MARCHF1: variants seen among roughly 807,000 people sequenced by gnomAD.
MARCHF1 encodes E3 ubiquitin-protein ligase MARCHF1.
Under a neutral mutation model 54.2 loss-of-function variants are expected in MARCHF1, and 40 were observed. The observed-to-expected ratio is 0.74, with a 90% CI of 0.57 to 0.96. MARCHF1 has a LOEUF of 0.96. Among genes scored for constraint, MARCHF1 ranks in the 40% least tolerant of loss-of-function variants. The pLI is 0.00. For missense variants in MARCHF1, 586 were observed against 656.5 expected (o/e 0.89, Z 1.17); for synonymous variants, 236 against 236.3 (o/e 1.00, Z 0.01).
intron 3 of MARCHF1, among the ~76,000 whole-genome samples, chr4:163,983,523 A>G (rs1229561905): frequency 1.3e-5 from 2 of 152,170 alleles, no homozygotes; most frequent in African/African-American, 2.4e-5. Context: ...ACAAAAAGAA[A>G]ACAAAACTCC....
chr4:163,534,482 G>A (rs566037442), intron 9 of MARCHF1, among the ~76,000 whole-genome samples: 68 of 151,970 alleles, frequency 4.5e-4, no homozygotes, highest in African/African-American at 1.6e-3. Context: ...AAAGACTGAC[G>A]GTTTCATGTC....
At chr4:164,256,251 A>T (rs1279623889) in intron 1 of MARCHF1, among the ~76,000 whole-genome samples, 1 of 151,976 alleles carries the variant, frequency 6.6e-6, no homozygotes, top group Non-Finnish European at 1.5e-5. Flanking sequence ...AATCTTATAT[A>T]TTAGATATTA....
chr4:164,280,927 A>G (rs1374560241), intron 1 of MARCHF1, among the ~76,000 whole-genome samples: 1 of 152,110 alleles, frequency 6.6e-6, no homozygotes, highest in Admixed American at 6.6e-5. Context: ...TTCTGGTTAC[A>G]AAGAGAATGA....
intron 3 of MARCHF1, among the ~76,000 whole-genome samples, chr4:163,883,754 GTGTCT>G (rs1194039527): frequency 6.6e-6 from 1 of 151,808 alleles, no homozygotes; most frequent in Non-Finnish European, 1.5e-5. Flanking sequence ...ATGTAACTGG[GTGTCT>G]TGTATTTTTT....
intron 3 of MARCHF1, among the ~76,000 whole-genome samples, chr4:163,910,519 T>C (rs1215525014): frequency 6.6e-6 from 1 of 152,162 alleles, no homozygotes; most frequent in Admixed American, 6.5e-5. Context: ...GTTTTTGAGA[T>C]AGAGTTTTGC....
At chr4:164,039,054 A>G (rs375845757) in intron 2 of MARCHF1, among the ~76,000 whole-genome samples, 12 of 152,332 alleles carry the variant, frequency 7.9e-5, no homozygotes, top group African/African-American at 2.9e-4. Flanking sequence ...GATCAATATA[A>G]ACTTCTAAAA....
intron 1 of MARCHF1, among the ~76,000 whole-genome samples, chr4:164,300,147 T>C (rs1415827824): frequency 8.6e-5 from 13 of 151,966 alleles, no homozygotes; most frequent in Non-Finnish European, 1.9e-4. Context: ...CTAAAGTCTC[T>C]TCCTCTCCTT....
chr4:164,058,235 C>T (rs768462672), intron 2 of MARCHF1, among the ~76,000 whole-genome samples: 4 of 152,092 alleles, frequency 2.6e-5, no homozygotes, highest in Non-Finnish European at 5.9e-5. Context: ...CAAACCTGCA[C>T]GTTCTGCACA....
At chr4:164,176,966 CTCTCTCTCTCTCTCTATATAT>C (rs1730690071) in intron 1 of MARCHF1, among the ~76,000 whole-genome samples, 16 of 46,724 alleles carry the variant, frequency 3.4e-4, no homozygotes, top group African/African-American at 4.2e-4. Flanking sequence ...CTCTCTCTCT[CTCTCTCTCTCTCTCTATATAT>C]ATATATATAT....
At chr4:163,903,902 C>T (rs962577317) in intron 3 of MARCHF1, among the ~76,000 whole-genome samples, 1 of 152,118 alleles carries the variant, frequency 6.6e-6, no homozygotes, top group Non-Finnish European at 1.5e-5. Flanking sequence ...AGGCATGAGC[C>T]ACCTCGCCTG....
At chr4:164,097,653 G>C (rs1471809669) in intron 2 of MARCHF1, among the ~76,000 whole-genome samples, 1 of 152,096 alleles carries the variant, frequency 6.6e-6, no homozygotes, top group Non-Finnish European at 1.5e-5. Flanking sequence ...AACATTCTGA[G>C]AGGGAATGCA....
intron 1 of MARCHF1, among the ~76,000 whole-genome samples, chr4:164,191,306 TATTA>T (rs1227619551): frequency 1.3e-5 from 2 of 152,240 alleles, no homozygotes; most frequent in Non-Finnish European, 2.9e-5. Context: ...ATACTCTGCA[TATTA>T]ATTGATTACT....
intron 1 of MARCHF1, among the ~76,000 whole-genome samples, chr4:164,375,024 G>A (rs975083622): frequency 1.3e-5 from 2 of 152,106 alleles, no homozygotes; most frequent in Admixed American, 1.3e-4. Flanking sequence ...AGGAAATATA[G>A]CTCTAAGTGG....
rs1174172637 is a variant in MARCHF1, at chr4:164,144,103, T to C, written c.-322-32441A>G. 2.6e-5 allele frequency among the ~76,000 whole-genome samples: 4 copies of C among 152,052 alleles called. No homozygotes were observed. In the East Asian group the frequency reaches 7.7e-4, roughly 29 times the overall value. ...CATTACATAATGGTAAAGGGATCAATTCAACAAGAAGAGCTAACTATCCTA... is the reference window on the plus strand; with the variant it reads ...CATTACATAATGGTAAAGGGATCAACTCAACAAGAAGAGCTAACTATCCTA... On this transcript the variant is annotated intron_variant, in intron 1 of 9. Coordinates refer to ENST00000514618, the MANE Select transcript of MARCHF1 (RefSeq NM_001394959.1).
chr4:163,593,283 CA>C (rs1324334242), intron 7 of MARCHF1, among the ~76,000 whole-genome samples: 1 of 152,048 alleles, frequency 6.6e-6, no homozygotes. Flanking sequence ...GTAAGACTGA[CA>C]AAATTAAACT....
chr4:163,658,145 AATCT>A (rs1172741364), intron 5 of MARCHF1, among the ~76,000 whole-genome samples: 1 of 152,112 alleles, frequency 6.6e-6, no homozygotes, highest in East Asian at 1.9e-4. Flanking sequence ...AAATTTTTAT[AATCT>A]ATCTATCTGA....
rs1172240366 is a variant in MARCHF1 at position 163,620,600 on chromosome 4, CACACACAGAGAGAGAGAGAG to C, written c.163-7227_163-7208del. On this transcript the variant is annotated intron_variant, in intron 5 of 9. Transcript: ENST00000514618. ...ACACACACACACACACACACACACA[CACACACAGAGAGAGAGAGAG>C]AGAGAGAGAGAGAGAGAGAGAGAGA... Among the ~76,000 whole-genome samples the C allele has an allele frequency of 2.7e-4, 21 of 76,842 alleles. 1 individual carries two copies. The highest frequency in any genetic ancestry group is 1.5e-3 in the African/African-American group (18 of 12,368). The allele number at this position is 76,842 out of a possible 152,430, so 50.4% of individuals were successfully genotyped here.
intron 4 of MARCHF1, among the ~76,000 whole-genome samples, chr4:163,746,604 C>A (rs1410175773): frequency 6.6e-6 from 1 of 152,170 alleles, no homozygotes; most frequent in Non-Finnish European, 1.5e-5. Context: ...TCCATGATGG[C>A]TGTACCATTT....
At chr4:163,717,208 C>G (rs1213318573) in intron 4 of MARCHF1, among the ~76,000 whole-genome samples, 2 of 142,568 alleles carry the variant, frequency 1.4e-5, no homozygotes, top group Admixed American at 7.4e-5. Context: ...CATGTGTTCT[C>G]ATTGTTCAAT....
Sources: gnomAD v4.1 joint callset for allele counts (sites outside exome capture counted in the v4.1 genomes callset) on GRCh38, gnomAD v4.1.1 for gene constraint, MANE v1.5 for transcripts, NCBI Gene and HGNC (gene_info 2026-07-23, HGNC 2026-07-21) for gene names.